The following HMCN1 variants were observed in gnomAD, a reference collection of about 807,000 sequenced individuals.
HMCN1 encodes the protein hemicentin 1.
HMCN1 carries 321 observed loss-of-function variants against 625.9 expected under a neutral mutation model. The observed-to-expected ratio is 0.51, with a 90% CI of 0.47 to 0.56. The LOEUF (loss-of-function observed/expected upper bound fraction) is 0.56. HMCN1 is among the 20% of genes least tolerant of loss of function. The pLI is 0.00. For missense variants in HMCN1, 6,588 were observed against 6,887.3 expected, an observed-to-expected ratio of 0.96 and a Z score of 1.54; for synonymous variants, 2,425 against 2,417.6, an observed-to-expected ratio of 1.00 and a Z score of -0.09.
rs147389684 is a variant in HMCN1 at position 186,119,061 on chromosome 1, G to A, written c.11849-130G>A. On this transcript the variant is annotated intron_variant, in intron 77 of 106. Coordinates refer to ENST00000271588, the MANE Select transcript of HMCN1 (RefSeq NM_031935.3). ...TAAGTACTGTGCTAGGCACTTCAGGGGATACAAGTATGAATATAAGCCAAG... is the reference window on the plus strand; with the variant it reads ...TAAGTACTGTGCTAGGCACTTCAGGAGATACAAGTATGAATATAAGCCAAG... 25 of 718,860 alleles carry A rather than the reference G, an allele frequency of 3.5e-5. No individual in the cohort carries two copies. The Middle Eastern group carries it at 1.0e-3, about 30-fold the overall frequency. 44.5% of individuals were successfully genotyped at this position (718,860 alleles called of 1,614,324 possible). A position where few individuals can be genotyped will look rare whatever the true frequency, so the allele number is the denominator to read the frequency against.
At chr1:185,760,590 T>C (rs937281261) in intron 1 of HMCN1, among the ~76,000 whole-genome samples, 8 of 152,176 alleles carry the variant, frequency 5.3e-5, no homozygotes, top group South Asian at 4.1e-4. Context: ...GTGCACAGAA[T>C]GCAACAATTA....
intron 4 of HMCN1, among the ~76,000 whole-genome samples, chr1:185,908,275 C>T (rs1393205220): frequency 1.3e-5 from 2 of 151,674 alleles, no homozygotes; most frequent in East Asian, 1.9e-4. Flanking sequence ...AAATGTTGCA[C>T]AGTATTTATT....
At chr1:185,951,876 A>AAC (rs1412312804) in intron 11 of HMCN1, among the ~76,000 whole-genome samples, 2 of 151,734 alleles carry the variant, frequency 1.3e-5, no homozygotes, top group African/African-American at 4.9e-5. Flanking sequence ...GGAGGCAAGG[A>AAC]ATTGCAACTT....
intron 1 of HMCN1, among the ~76,000 whole-genome samples, chr1:185,806,747 G>A (rs563320174): frequency 6.6e-6 from 1 of 152,196 alleles, no homozygotes; most frequent in South Asian, 2.1e-4. Context: ...AAAATTAAAT[G>A]TAACCCACTA....
rs1653074580 is a variant in HMCN1 at position 186,000,108 on chromosome 1, G to A, written c.3938G>A (p.Gly1313Asp). The change falls in exon 26 of 107, where the codon GGC becomes GAC. Residue 1313 changes from glycine (G) to aspartate (D), a missense_variant. Physicochemically the swap from Gly to Asp is moderately conservative, Grantham distance 94. Transcript: ENST00000271588. The part of the protein sequence containing the change: ...NGRELTGREP[G>D]ISILEDGTLL... ...AGAGAGTTGACAGGCAGAGAGCCTG[G>A]CATTTCTATCTTGGAAGATGGCACA... 6.2e-7 allele frequency: 1 copy of A among 1,612,862 alleles called. No individual in the cohort carries two copies. The highest frequency in any genetic ancestry group is 8.5e-7 in the Non-Finnish European group (1 of 1,179,286).
At chr1:185,925,970 G>A (rs1231567888) in intron 9 of HMCN1, among the ~76,000 whole-genome samples, 2 of 152,296 alleles carry the variant, frequency 1.3e-5, no homozygotes, top group South Asian at 4.1e-4. Flanking sequence ...GTCACAGCAG[G>A]TGTGGCACCT....
intron 68 of HMCN1, 65 bp downstream of exon 68, chr1:186,095,586 T>C: frequency 6.5e-7 from 1 of 1,529,752 alleles, no homozygotes; most frequent in Non-Finnish European, 8.9e-7. Flanking sequence ...GTTTAGTAAA[T>C]AAGTATAATT....
chr1:185,990,159 A>G lies in HMCN1; in HGVS notation c.3209-116A>G, dbSNP rs879623822. 9.3e-6 allele frequency: 9 copies of G among 965,892 alleles called. No individual in the cohort carries two copies. In the Admixed American group the frequency reaches 1.4e-4, roughly 15 times the overall value. The allele number at this position is 965,892 out of a possible 1,614,324, so 59.8% of individuals were successfully genotyped here. A position where few individuals can be genotyped will look rare whatever the true frequency, so the allele number is the denominator to read the frequency against. ...ATGGAAAGTTTTAGCTTATGTCCTG[A>G]ATAGCATCTTTTTATAAATTACTTA... On this transcript the variant is annotated intron_variant, in intron 21 of 106. Coordinates refer to ENST00000271588, the MANE Select transcript of HMCN1 (RefSeq NM_031935.3).
intron 93 of HMCN1, among the ~76,000 whole-genome samples, chr1:186,150,362 G>T (rs1384745240): frequency 2.6e-5 from 4 of 152,100 alleles, no homozygotes; most frequent in African/African-American, 4.8e-5. Context: ...CCTATTCTGT[G>T]CTAGTCACCA....
intron 68 of HMCN1, among the ~76,000 whole-genome samples, chr1:186,096,938 C>G (rs941503545): frequency 6.6e-6 from 1 of 152,098 alleles, no homozygotes; most frequent in Non-Finnish European, 1.5e-5. Flanking sequence ...TAACATCACA[C>G]TAAACAGGAA....
chr1:185,955,604 AT>A (rs1649567505), intron 11 of HMCN1, among the ~76,000 whole-genome samples: 1 of 152,186 alleles, frequency 6.6e-6, no homozygotes, highest in South Asian at 2.1e-4. Context: ...GATGCTGCTA[AT>A]TTTATAGTCA....
chr1:185,829,242 A>G (rs1463979599), intron 1 of HMCN1, among the ~76,000 whole-genome samples: 3 of 152,050 alleles, frequency 2.0e-5, no homozygotes, highest in African/African-American at 7.2e-5. Flanking sequence ...AAGCCTGGGC[A>G]TGGTGGCTCA....
At chr1:186,028,136 A>C (rs1274698107) in intron 36 of HMCN1, among the ~76,000 whole-genome samples, 2 of 152,178 alleles carry the variant, frequency 1.3e-5, no homozygotes, top group African/African-American at 2.4e-5. Context: ...CCAGGATTTG[A>C]AAGACTCTAC....
At position 186,030,106 on chromosome 1, in the gene HMCN1, CAA is replaced by C. The variant is rs1655325411; in HGVS notation, c.5749+6954_5749+6955del. On this transcript the variant is annotated intron_variant, in intron 36 of 106. Coordinates refer to ENST00000271588, the MANE Select transcript of HMCN1 (RefSeq NM_031935.3). The stretch of plus-strand genomic sequence containing the variant: ...AAGATTATAGTCCTTTTAAATGTAT[CAA>C]GAGTTGTCTTATAGTCTTATATATA... Among the ~76,000 whole-genome samples the C allele has an allele frequency of 1.3e-5, 2 of 152,024 alleles. 1 individual carries two copies. The highest frequency in any genetic ancestry group is 2.9e-5 in the Non-Finnish European group (2 of 67,964).
intron 49 of HMCN1, among the ~76,000 whole-genome samples, chr1:186,066,522 C>T (rs1339219184): frequency 6.6e-6 from 1 of 152,124 alleles, no homozygotes; most frequent in Admixed American, 6.6e-5. Context: ...CCACCATCTG[C>T]CTTGCTTGCA....
intron 17 of HMCN1, among the ~76,000 whole-genome samples, chr1:185,981,347 CATATT>C (rs1051374849): frequency 2.0e-5 from 3 of 151,634 alleles, no homozygotes; most frequent in African/African-American, 7.3e-5. Context: ...CACACACACA[CATATT>C]AGAGTTGTGG....
In HMCN1 at chr1:185,734,714, T is replaced by G; in HGVS notation, c.-66T>G. 5 of 1,473,536 alleles carry G rather than the reference T, an allele frequency of 3.4e-6. No individual in the cohort carries two copies. The highest frequency in any genetic ancestry group is 1.4e-5 in the African/African-American group (1 of 72,162). The allele number at this position is 1,473,536 out of a possible 1,614,324, so 91.3% of individuals were successfully genotyped here. Reference sequence around the variant, plus strand: ...ACTCTGAGAGGAAACCCTCTGCCTGTTGTTGAGGAGGACTGAGCACAGTGC... The same window carrying G: ...ACTCTGAGAGGAAACCCTCTGCCTGGTGTTGAGGAGGACTGAGCACAGTGC... On this transcript the variant is annotated 5_prime_UTR_variant, in exon 1 of 107. Coordinates refer to ENST00000271588, the MANE Select transcript of HMCN1 (RefSeq NM_031935.3).
intron 2 of HMCN1, among the ~76,000 whole-genome samples, chr1:185,860,797 CT>C (rs1159633436): frequency 6.6e-6 from 1 of 152,084 alleles, no homozygotes; most frequent in Non-Finnish European, 1.5e-5. Flanking sequence ...AAACTCTTTC[CT>C]TTGATTATTA....
intron 71 of HMCN1, among the ~76,000 whole-genome samples, chr1:186,111,711 T>TA (rs904782589): frequency 5.3e-5 from 8 of 152,156 alleles, no homozygotes; most frequent in African/African-American, 1.9e-4. Context: ...ATATAAAAGT[T>TA]AAAAAATAAA....
Sources: allele counts gnomAD v4.1 joint callset (sites outside exome capture counted in the v4.1 genomes callset), GRCh38; gene constraint gnomAD v4.1.1; transcripts MANE v1.5; gene names NCBI Gene and HGNC (gene_info 2026-07-23, HGNC 2026-07-21).